The following PRKCE variants were observed in gnomAD, a reference collection of about 807,000 sequenced individuals.
The protein encoded by PRKCE is protein kinase C epsilon, also known as protein kinase C epsilon type.
PRKCE carries 16 observed loss-of-function variants against 85.4 expected under a neutral mutation model. The observed-to-expected ratio is 0.19, with a 90% CI of 0.13 to 0.28. The LOEUF is 0.28. Among genes scored for constraint, PRKCE ranks in the 10% least tolerant of loss-of-function variants. The probability of loss-of-function intolerance (pLI) is 1.00; values close to 1 mark genes in which losing one functional copy is unlikely to be tolerated. For missense variants in PRKCE, 573 were observed against 975.2 expected (o/e 0.59, Z 5.49); for synonymous variants, 388 against 371.5 (o/e 1.04, Z -0.51).
intron 10 of PRKCE, among the ~76,000 whole-genome samples, chr2:46,026,948 G>A (rs1361119550): frequency 6.6e-6 from 1 of 152,224 alleles, no homozygotes; most frequent in East Asian, 1.9e-4. Context: ...AACATTGGGA[G>A]GCCAAGGCAG....
At chr2:45,889,426 G>A (rs575692250) in intron 2 of PRKCE, among the ~76,000 whole-genome samples, 17 of 152,330 alleles carry the variant, frequency 1.1e-4, no homozygotes, top group African/African-American at 3.6e-4. Context: ...ATGAACTTGT[G>A]TCTTATAGCA....
At chr2:46,036,776 T>C (rs1199511177) in intron 10 of PRKCE, among the ~76,000 whole-genome samples, 1 of 152,060 alleles carries the variant, frequency 6.6e-6, no homozygotes, top group Non-Finnish European at 1.5e-5. Flanking sequence ...CGGCGGACAC[T>C]TGAGATGTTC....
chr2:45,889,432 T>C (rs1292706190), intron 2 of PRKCE, among the ~76,000 whole-genome samples: 1 of 152,256 alleles, frequency 6.6e-6, no homozygotes, highest in Non-Finnish European at 1.5e-5. Flanking sequence ...TTGTGTCTTA[T>C]AGCAAATCTC....
intron 2 of PRKCE, among the ~76,000 whole-genome samples, chr2:45,904,913 G>T (rs558835742): frequency 6.6e-6 from 1 of 152,296 alleles, no homozygotes; most frequent in African/African-American, 2.4e-5. Flanking sequence ...GAGGAGTCAG[G>T]GGAACCTGGG....
chr2:45,705,310 C>G (rs1334357734), intron 1 of PRKCE, among the ~76,000 whole-genome samples: 6 of 152,220 alleles, frequency 3.9e-5, no homozygotes, highest in Non-Finnish European at 8.8e-5. Context: ...GCTTGAAACT[C>G]TAGTTGCGGA....
chr2:46,148,417 G>A (rs1676293911), intron 12 of PRKCE, among the ~76,000 whole-genome samples: 1 of 152,206 alleles, frequency 6.6e-6, no homozygotes, highest in East Asian at 1.9e-4. Context: ...CCTGGAGTGG[G>A]GTGGCAGGGC....
chr2:45,781,404 C>T (rs995137582), intron 1 of PRKCE, among the ~76,000 whole-genome samples: 1 of 152,208 alleles, frequency 6.6e-6, no homozygotes, highest in South Asian at 2.1e-4. Flanking sequence ...GGAGTCCAAC[C>T]TCAGCCCTGT....
At chr2:45,797,269 G>A (rs1378276571) in intron 1 of PRKCE, among the ~76,000 whole-genome samples, 1 of 152,162 alleles carries the variant, frequency 6.6e-6, no homozygotes, top group African/African-American at 2.4e-5. Context: ...AGCTTTCATA[G>A]AACAAAACCC....
In PRKCE at chr2:45,905,033, C is replaced by T. The variant is rs376846319; in HGVS notation, c.412+61970C>T. On this transcript the variant is annotated intron_variant, in intron 2 of 14. Coordinates refer to ENST00000306156, the MANE Select transcript of PRKCE (RefSeq NM_005400.3). The surrounding 1 kb of genome is among the most constrained non-coding windows in gnomAD (Gnocchi z 4.4). Reference sequence around the variant, plus strand: ...GGGCTCCACATCACTTCAGCAGGCACGGTGACACACAGGACTCACTGGATG... The same window carrying T: ...GGGCTCCACATCACTTCAGCAGGCATGGTGACACACAGGACTCACTGGATG... Among the ~76,000 whole-genome samples the T allele has an allele frequency of 4.6e-4, 70 of 152,322 alleles. 2 individuals carry two copies. In the East Asian group the frequency reaches 0.013, roughly 28 times the overall value.
Position 45,786,456 on chromosome 2 carries a change from C to G in PRKCE, c.349-56544C>G, listed in dbSNP as rs942346140. Among the ~76,000 whole-genome samples the G allele has an allele frequency of 2.0e-5, 3 of 152,226 alleles. No individual in the cohort carries two copies. The highest frequency in any genetic ancestry group is 2.9e-5 in the Non-Finnish European group (2 of 68,040). Reference sequence around the variant, plus strand: ...CTGTACCCACCCACTCCCTCTCTTTCTGGCTGCTCCTAGTATCTGCTTTCA... The same window carrying G: ...CTGTACCCACCCACTCCCTCTCTTTGTGGCTGCTCCTAGTATCTGCTTTCA... On this transcript the variant is annotated intron_variant, in intron 1 of 14. Transcript: ENST00000306156. The surrounding 1 kb of genome is among the most constrained non-coding windows in gnomAD (Gnocchi z 5.3).
intron 2 of PRKCE, among the ~76,000 whole-genome samples, chr2:45,941,710 C>A (rs1165174647): frequency 6.6e-6 from 1 of 152,100 alleles, no homozygotes; most frequent in Non-Finnish European, 1.5e-5. Context: ...GGTCACTGAG[C>A]AATTCAAGCA....
chr2:46,175,422 A>C (rs950226684), intron 14 of PRKCE, among the ~76,000 whole-genome samples: 2 of 152,246 alleles, frequency 1.3e-5, no homozygotes, highest in Non-Finnish European at 2.9e-5. Context: ...AGATATATTG[A>C]GGAAGGAACA....
chr2:45,984,828 CTG>C, intron 6 of PRKCE, 148 bp downstream of exon 6: 1 of 1,180,696 alleles, frequency 8.5e-7, no homozygotes, highest in African/African-American at 1.5e-5. Flanking sequence ...ATTAGTAACT[CTG>C]TGCATTTGGT....
intron 11 of PRKCE, among the ~76,000 whole-genome samples, chr2:46,097,005 G>A (rs1225553878): frequency 6.6e-6 from 1 of 152,176 alleles, no homozygotes; most frequent in Non-Finnish European, 1.5e-5. Context: ...GTACCCCCAC[G>A]ATGGTGGCAG....
rs1211135482 is a variant in PRKCE at position 46,186,332 on chromosome 2, G to A, written c.*1451G>A. 1.3e-5 allele frequency: 2 copies of A among 152,582 alleles called. No homozygotes were observed. The highest frequency in any genetic ancestry group is 2.9e-5 in the Non-Finnish European group (2 of 68,040). The allele number at this position is 152,582 out of a possible 1,614,324, so 9.5% of individuals were successfully genotyped here. Reference sequence around the variant, plus strand: ...GCTGCCCCTAAATATATATACTTGTGAGTGGCAAAGTGGCACTAATGAAGC... The same window carrying A: ...GCTGCCCCTAAATATATATACTTGTAAGTGGCAAAGTGGCACTAATGAAGC... On this transcript the variant is annotated 3_prime_UTR_variant, in exon 15 of 15. Coordinates refer to ENST00000306156, the MANE Select transcript of PRKCE (RefSeq NM_005400.3).
chr2:46,126,521 TACAG>T (rs1051412879), intron 11 of PRKCE, among the ~76,000 whole-genome samples: 3 of 152,160 alleles, frequency 2.0e-5, no homozygotes, highest in African/African-American at 7.2e-5. Flanking sequence ...CGGATGCTGT[TACAG>T]ACAGAGGAAA....
At chr2:45,924,380 A>C (rs1221149681) in intron 2 of PRKCE, among the ~76,000 whole-genome samples, 6 of 152,220 alleles carry the variant, frequency 3.9e-5, no homozygotes, top group Non-Finnish European at 8.8e-5. Flanking sequence ...GAATAGGAAA[A>C]TGAAGGATGG....
At chr2:46,067,099 C>T (rs868689907) in intron 10 of PRKCE, among the ~76,000 whole-genome samples, 1 of 152,196 alleles carries the variant, frequency 6.6e-6, no homozygotes, top group African/African-American at 2.4e-5. Flanking sequence ...GTTGTTACTG[C>T]TGTGCCAAAA....
At chr2:46,153,776 T>A (rs1409233124) in intron 13 of PRKCE, among the ~76,000 whole-genome samples, 1 of 134,688 alleles carries the variant, frequency 7.4e-6, no homozygotes, top group Non-Finnish European at 1.5e-5. Flanking sequence ...CCTCTTCTTC[T>A]TCTTCTTTTT....
Sources: gnomAD v4.1 joint callset for allele counts (sites outside exome capture counted in the v4.1 genomes callset) on GRCh38, gnomAD v4.1.1 for gene constraint, Gnocchi (gnomAD v3.1) non-coding constraint, MANE v1.5 for transcripts, NCBI Gene and HGNC (gene_info 2026-07-23, HGNC 2026-07-21) for gene names.